ACADSB: variants seen among roughly 807,000 people sequenced by gnomAD.
ACADSB encodes acyl-CoA dehydrogenase short/branched chain.
Under a neutral mutation model 54.1 loss-of-function variants are expected in ACADSB, and 40 were observed. The observed-to-expected ratio is 0.74, with a 90% CI of 0.57 to 0.96. ACADSB has a LOEUF of 0.96. Among genes scored for constraint, ACADSB ranks in the 40% least tolerant of loss-of-function variants. The pLI is 0.00. For synonymous variants in ACADSB, 182 were observed against 182.8 expected (o/e 1.00, Z 0.03); for missense variants, 530 against 510.4 (o/e 1.04, Z -0.37).
At chr10:123,043,291 A>G (rs1425095346) in intron 6 of ACADSB, 120 bp downstream of exon 6, 3 of 1,284,474 alleles carry the variant, frequency 2.3e-6, no homozygotes, top group Non-Finnish European at 1.1e-6. Flanking sequence ...GCAGGAGAGT[A>G]TTTTGTAAAA....
At chr10:123,044,249 C>G (rs1218627955) in intron 6 of ACADSB, 144 bp from the exon 7 acceptor site, 2 of 700,422 alleles carry the variant, frequency 2.9e-6, no homozygotes, top group African/African-American at 3.5e-5. Flanking sequence ...TGTGGAAAAA[C>G]AGCGTAGAGG....
chr10:123,020,295 G>A (rs978447047), intron 1 of ACADSB, among the ~76,000 whole-genome samples: 5 of 151,980 alleles, frequency 3.3e-5, no homozygotes, highest in Admixed American at 3.3e-4. Flanking sequence ...TCCCCAGGAG[G>A]GGGAATTTCT....
chr10:123,047,391 CA>C lies in ACADSB; in HGVS notation c.990+94del, dbSNP rs1231991383. On this transcript the variant is annotated intron_variant, in intron 8 of 10. Coordinates refer to ENST00000358776, the MANE Select transcript of ACADSB (RefSeq NM_001609.4). ...TTGAAATCCATGGAGGGAATCCCTT[CA>C]GGGGGATTTTAATGGGAGATGGGTA... 17 of 934,438 alleles carry C rather than the reference CA, an allele frequency of 1.8e-5. No homozygotes were observed. The Admixed American group carries it at 3.0e-4, about 17-fold the overall frequency. The allele number at this position is 934,438 out of a possible 1,614,324, so 57.9% of individuals were successfully genotyped here.
chr10:123,045,769 T>C (rs1850553636), intron 7 of ACADSB, among the ~76,000 whole-genome samples: 1 of 152,190 alleles, frequency 6.6e-6, no homozygotes, highest in Non-Finnish European at 1.5e-5. Flanking sequence ...GAGCTCATTT[T>C]TTTCAGACAT....
At chr10:123,034,823 T>C (rs1360788622) in intron 2 of ACADSB, among the ~76,000 whole-genome samples, 1 of 152,220 alleles carries the variant, frequency 6.6e-6, no homozygotes, top group Non-Finnish European at 1.5e-5. Flanking sequence ...CTCCCACCCA[T>C]GTTCTCTAGT....
chr10:123,050,423 G>A (rs1156989321), intron 8 of ACADSB, among the ~76,000 whole-genome samples: 1 of 152,178 alleles, frequency 6.6e-6, no homozygotes, highest in African/African-American at 2.4e-5. Context: ...AAACATTTCA[G>A]TTTGTAGTAA....
intron 1 of ACADSB, among the ~76,000 whole-genome samples, chr10:123,020,421 A>G (rs1177986128): frequency 1.3e-5 from 2 of 152,318 alleles, no homozygotes; most frequent in East Asian, 1.9e-4. Flanking sequence ...CATTATGCCA[A>G]CTCTGGGATT....
chr10:123,019,096 A>C (rs1423865769), intron 1 of ACADSB, among the ~76,000 whole-genome samples: 1 of 152,224 alleles, frequency 6.6e-6, no homozygotes, highest in Non-Finnish European at 1.5e-5. Flanking sequence ...TGTAATTTTA[A>C]AGCCCATAAA....
At chr10:123,046,626 A>G (rs568721422) in intron 7 of ACADSB, among the ~76,000 whole-genome samples, 1 of 152,324 alleles carries the variant, frequency 6.6e-6, no homozygotes, top group East Asian at 1.9e-4. Flanking sequence ...AGGCCTGGGT[A>G]TCAGTATTGT....
In ACADSB at chr10:123,034,402, C is replaced by T; in HGVS notation, c.89C>T (p.Pro30Leu). The change falls in exon 2 of 11, where the codon CCT (proline) becomes CTT (leucine). Residue 30 changes from proline to leucine, a missense_variant. Physicochemically the swap from Pro to Leu is moderately conservative, Grantham distance 98. Coordinates refer to ENST00000358776, the MANE Select transcript of ACADSB (RefSeq NM_001609.4). ...LTCLSSWKIPPHVSKSSQSEA... is the reference protein window; with the variant it reads ...LTCLSSWKIPLHVSKSSQSEA... ...TGTTTGTCTTCTTGGAAGATTCCTCCTCATGTCTCAAAATCTTCCCAGTCA... is the reference window on the plus strand; with the variant it reads ...TGTTTGTCTTCTTGGAAGATTCCTCTTCATGTCTCAAAATCTTCCCAGTCA... 6.2e-7 allele frequency: 1 copy of T among 1,613,746 alleles called. No individual in the cohort carries two copies. Among genetic ancestry groups the T allele is most frequent in the East Asian group, 2.2e-5 (1 of 44,862 alleles).
At chr10:123,020,850 A>G (rs1850175343) in intron 1 of ACADSB, among the ~76,000 whole-genome samples, 1 of 152,342 alleles carries the variant, frequency 6.6e-6, no homozygotes, top group South Asian at 2.1e-4. Flanking sequence ...TAAAAATACA[A>G]AAATTAGCTG....
rs1850497239 is a variant in ACADSB at position 123,043,129 on chromosome 10, C to T, written c.765C>T (p.Leu255=). The T allele has an allele frequency of 1.9e-6, 3 of 1,614,024 alleles. No homozygotes were observed. The highest frequency in any genetic ancestry group is 1.3e-5 in the African/African-American group (1 of 75,048). Residue 255 remains leucine, a synonymous_variant, in exon 6 of 11, where the codon CTC becomes CTT. Transcript: ENST00000358776. ...GGAAACCTGAAAACAAATTGGGGCT[C>T]AGAGCTTCTTCCACCTGCCCGTTAA... The part of the protein sequence containing the change: ...HIGKPENKLG[L]RASSTCPLTF...
chr10:123,025,236 C>T (rs906270911), intron 1 of ACADSB, among the ~76,000 whole-genome samples: 1 of 152,160 alleles, frequency 6.6e-6, no homozygotes, highest in African/African-American at 2.4e-5. Flanking sequence ...CCACAAGGAT[C>T]GCTTGAATCT....
rs550643067 is a variant in ACADSB at position 123,009,917 on chromosome 10, T to A, written c.42+846T>A. On this transcript the variant is annotated intron_variant, in intron 1 of 10. Coordinates refer to ENST00000358776, the MANE Select transcript of ACADSB (RefSeq NM_001609.4). ...GAATTTTCCCACTGCTTACGTGTGCTTTTAATGTTTCCTTTGCATTTGCTT... is the reference window on the plus strand; with the variant it reads ...GAATTTTCCCACTGCTTACGTGTGCATTTAATGTTTCCTTTGCATTTGCTT... Among the ~76,000 whole-genome samples the A allele has an allele frequency of 2.6e-5, 4 of 152,408 alleles. No individual in the cohort carries two copies. In the South Asian group the frequency reaches 8.3e-4, roughly 32 times the overall value.
intron 2 of ACADSB, among the ~76,000 whole-genome samples, chr10:123,037,115 A>T (rs1357918557): frequency 1.3e-5 from 2 of 152,166 alleles, no homozygotes; most frequent in Middle Eastern, 3.2e-3. Flanking sequence ...GAAGTAGGGG[A>T]CGCTCCTGGC....
intron 1 of ACADSB, among the ~76,000 whole-genome samples, chr10:123,012,281 G>A (rs1254335815): frequency 2.0e-5 from 3 of 152,218 alleles, no homozygotes; most frequent in Non-Finnish European, 2.9e-5. Flanking sequence ...AACAAAACCA[G>A]AAGTATTTTT....
intron 2 of ACADSB, 54 bp from the exon 3 acceptor site, chr10:123,037,693 A>G (rs1302411085): frequency 7.2e-6 from 9 of 1,257,542 alleles, no homozygotes; most frequent in South Asian, 2.4e-5. Context: ...TCAGCAAACT[A>G]TTAATGTGAC....
chr10:123,013,879 C>T (rs1850077499), intron 1 of ACADSB, among the ~76,000 whole-genome samples: 1 of 152,238 alleles, frequency 6.6e-6, no homozygotes, highest in Non-Finnish European at 1.5e-5. Context: ...CCGCCCATGC[C>T]TCTCCCTCCA....
intron 1 of ACADSB, among the ~76,000 whole-genome samples, chr10:123,017,646 A>G (rs532161315): frequency 9.9e-5 from 15 of 152,270 alleles, no homozygotes; most frequent in Non-Finnish European, 2.2e-4. Flanking sequence ...CGGCATTTGC[A>G]TGTCTAAGCT....
Sources: gnomAD v4.1 joint callset for allele counts (sites outside exome capture counted in the v4.1 genomes callset) on GRCh38, gnomAD v4.1.1 for gene constraint, MANE v1.5 for transcripts, NCBI Gene and HGNC (gene_info 2026-07-23, HGNC 2026-07-21) for gene names.